SDK1: variants seen among roughly 807,000 people sequenced by gnomAD.
The protein encoded by SDK1 is sidekick cell adhesion molecule 1.
SDK1 carries 157 observed loss-of-function variants against 245.5 expected under a neutral mutation model. The observed-to-expected ratio is 0.64, with a 90% CI of 0.56 to 0.73. The LOEUF is 0.73. Among genes scored for constraint, SDK1 ranks in the 30% least tolerant of loss-of-function variants. SDK1 has a pLI of 0.00. For missense variants in SDK1, 3,583 were observed against 3,002.3 expected (o/e 1.19, Z -4.52); for synonymous variants, 1,647 against 1,278.5 (o/e 1.29, Z -6.15).
chr7:4,046,138 C>T (rs936548377), intron 17 of SDK1, among the ~76,000 whole-genome samples: 1 of 151,602 alleles, frequency 6.6e-6, no homozygotes, highest in African/African-American at 2.4e-5. Flanking sequence ...GGTGGGGTCT[C>T]ACTATGTTGC....
At chr7:3,607,364 T>A (rs892936121) in intron 1 of SDK1, among the ~76,000 whole-genome samples, 5 of 152,206 alleles carry the variant, frequency 3.3e-5, no homozygotes, top group Admixed American at 6.5e-5. Context: ...ATGAAGTAAT[T>A]TGAATAAAAG....
At chr7:3,748,249 C>T (rs1019404620) in intron 4 of SDK1, among the ~76,000 whole-genome samples, 3 of 152,038 alleles carry the variant, frequency 2.0e-5, no homozygotes, top group East Asian at 1.9e-4. Flanking sequence ...ATTGTTTTTA[C>T]GGTGATTTTT....
intron 1 of SDK1, among the ~76,000 whole-genome samples, chr7:3,615,520 C>T (rs549897717): frequency 1.6e-4 from 25 of 151,880 alleles, no homozygotes; most frequent in African/African-American, 6.0e-4. Flanking sequence ...TGCTTACATT[C>T]CTGCATCAGA....
intron 4 of SDK1, among the ~76,000 whole-genome samples, chr7:3,775,575 CT>C (rs557596485): frequency 7.9e-4 from 109 of 138,540 alleles, no homozygotes; most frequent in Non-Finnish European, 7.7e-4. Flanking sequence ...CTTTTTTTTT[CT>C]TTTTTTTTTT....
At chr7:3,787,046 A>G (rs1451454007) in intron 4 of SDK1, among the ~76,000 whole-genome samples, 1 of 152,064 alleles carries the variant, frequency 6.6e-6, no homozygotes, top group Non-Finnish European at 1.5e-5. Flanking sequence ...TGGTTGACAT[A>G]AACATTGTTT....
At chr7:4,127,909 C>G (rs1300137983) in intron 26 of SDK1, among the ~76,000 whole-genome samples, 1 of 152,286 alleles carries the variant, frequency 6.6e-6, no homozygotes, top group East Asian at 1.9e-4. Context: ...TTACACAGCA[C>G]GCCTTGCTCA....
intron 40 of SDK1, among the ~76,000 whole-genome samples, chr7:4,225,674 G>T (rs1336532955): frequency 6.6e-6 from 1 of 152,150 alleles, no homozygotes; most frequent in Non-Finnish European, 1.5e-5. Context: ...TGTCGGCGAG[G>T]GCTTCACACT....
At position 4,110,716 on chromosome 7, in the gene SDK1, T is replaced by C. The variant is rs768219101; in HGVS notation, c.3378T>C (p.Asn1126=). 2 of 1,613,010 alleles carry C rather than the reference T, an allele frequency of 1.2e-6. No individual in the cohort carries two copies. Among genetic ancestry groups the C allele is most frequent in the East Asian group, 4.5e-5 (2 of 44,834 alleles). The part of the protein sequence containing the change: ...EEWVTLYEEE[N]EPDAQMLEIP... ...GGGTCACCCTCTATGAAGAGGAGAA[T>C]GAGCCTGATGCCCAGATGCTGGAGA... The change falls in exon 23 of 45, where the codon AAT becomes AAC. Residue 1126 remains asparagine, a synonymous_variant. Transcript: ENST00000404826.
chr7:4,112,945 G>C (rs1256706618), intron 23 of SDK1, among the ~76,000 whole-genome samples: 1 of 152,178 alleles, frequency 6.6e-6, no homozygotes, highest in Admixed American at 6.5e-5. Flanking sequence ...GTAGAGACGA[G>C]ATTTCGCCAT....
At chr7:3,834,494 C>T (rs1363419279) in intron 5 of SDK1, among the ~76,000 whole-genome samples, 1 of 152,214 alleles carries the variant, frequency 6.6e-6, no homozygotes, top group Non-Finnish European at 1.5e-5. Flanking sequence ...TAGCAGAACT[C>T]TGAAAATCTT....
chr7:3,444,582 G>C (rs1035278285), intron 1 of SDK1, among the ~76,000 whole-genome samples: 36 of 152,016 alleles, frequency 2.4e-4, no homozygotes, highest in African/African-American at 8.0e-4. Flanking sequence ...CCCAGAACTG[G>C]ACACACTCTT....
intron 1 of SDK1, among the ~76,000 whole-genome samples, chr7:3,554,348 C>T (rs950345096): frequency 6.6e-6 from 1 of 152,102 alleles, no homozygotes; most frequent in Non-Finnish European, 1.5e-5. Flanking sequence ...TTAAATAATA[C>T]ATGATTTAAA....
intron 1 of SDK1, among the ~76,000 whole-genome samples, chr7:3,505,129 A>C (rs928514051): frequency 6.6e-5 from 10 of 152,230 alleles, no homozygotes; most frequent in African/African-American, 2.4e-4. Context: ...TAAAGTAGGA[A>C]TGTTACTTTT....
chr7:4,206,081 G>A (rs1362200832), intron 36 of SDK1, 87 bp downstream of exon 36: 9 of 850,860 alleles, frequency 1.1e-5, no homozygotes, highest in Non-Finnish European at 1.6e-5. Flanking sequence ...GCCAGCAGCA[G>A]ACCCCGCAGG....
chr7:3,474,666 T>C (rs918890901), intron 1 of SDK1, among the ~76,000 whole-genome samples: 2 of 152,128 alleles, frequency 1.3e-5, no homozygotes, highest in Admixed American at 6.6e-5. Flanking sequence ...ATTCAAATTA[T>C]TGCCATCTCG....
intron 4 of SDK1, among the ~76,000 whole-genome samples, chr7:3,642,453 G>C (rs1782681845): frequency 6.6e-6 from 1 of 152,100 alleles, no homozygotes; most frequent in African/African-American, 2.4e-5. Context: ...AATTTAATGA[G>C]TGCTGGTATT....
intron 5 of SDK1, among the ~76,000 whole-genome samples, chr7:3,847,496 G>C (rs1418141592): frequency 6.6e-6 from 1 of 152,254 alleles, no homozygotes; most frequent in African/African-American, 2.4e-5. Context: ...CACAAGAGTA[G>C]TAAGTGACAG....
At chr7:4,156,694 C>CT (rs1272532476) in intron 30 of SDK1, among the ~76,000 whole-genome samples, 2 of 152,186 alleles carry the variant, frequency 1.3e-5, no homozygotes, top group Non-Finnish European at 2.9e-5. Flanking sequence ...AGAATCCTTC[C>CT]TTTAAACCAA....
At chr7:3,483,895 C>G (rs1444206401) in intron 1 of SDK1, among the ~76,000 whole-genome samples, 1 of 152,072 alleles carries the variant, frequency 6.6e-6, no homozygotes, top group African/African-American at 2.4e-5. Context: ...GGCCATAATA[C>G]TTGTCTAACA....
Sources: allele counts gnomAD v4.1 joint callset (sites outside exome capture counted in the v4.1 genomes callset), GRCh38; gene constraint gnomAD v4.1.1; transcripts MANE v1.5; gene names NCBI Gene and HGNC (gene_info 2026-07-23, HGNC 2026-07-21).